The following CCDC73 variants were observed in gnomAD, a reference collection of about 807,000 sequenced individuals.
CCDC73 encodes the protein coiled-coil domain containing 73.
A neutral mutation model predicts 116.5 loss-of-function variants in CCDC73; 95 were observed. The ratio of observed to expected loss-of-function variants is 0.82; its 90% CI spans 0.69 to 0.97. The LOEUF (loss-of-function observed/expected upper bound fraction) is 0.97, where lower values mean the gene tolerates loss of function less well. Ranked by LOEUF, CCDC73 falls within the 50% of genes least tolerant of loss-of-function variation. The pLI, the probability that CCDC73 is intolerant of heterozygous loss-of-function variation, is 0.00. For missense variants in CCDC73, 1,066 were observed against 1,206.8 expected (o/e 0.88, Z 1.73); for synonymous variants, 398 against 401.3 (o/e 0.99, Z 0.10).
In CCDC73 at chr11:32,745,707, C is replaced by A. The variant is rs537159088; in HGVS notation, c.135+14402G>T. 1.7e-4 allele frequency among the ~76,000 whole-genome samples: 25 copies of A among 148,688 alleles called. 1 individual carries two copies. The East Asian group carries it at 3.8e-3, about 23-fold the overall frequency. The stretch of plus-strand genomic sequence containing the variant: ...GTTTGTTTAAAGTCCAGGATTGCAA[C>A]CCCTGGTTTTTGTTTTTTTGTTTGT... On this transcript the variant is annotated intron_variant, in intron 2 of 17. Coordinates refer to ENST00000335185, the MANE Select transcript of CCDC73 (RefSeq NM_001008391.4).
chr11:32,680,362 C>T (rs1856132134), intron 7 of CCDC73: 1 of 152,114 alleles, frequency 6.6e-6, no homozygotes, highest in East Asian at 1.9e-4. Context: ...TTTCTATCTG[C>T]ATGAATCGAC....
intron 1 of CCDC73, 21 bp from the exon 2 acceptor site, chr11:32,760,279 A>G (rs777870688): frequency 7.4e-7 from 1 of 1,356,488 alleles, no homozygotes; most frequent in Non-Finnish European, 9.9e-7. Context: ...AAAAGGTCTT[A>G]ACTGAAAAAA....
At chr11:32,697,381 C>T (rs1259294949) in intron 6 of CCDC73, among the ~76,000 whole-genome samples, 1 of 151,742 alleles carries the variant, frequency 6.6e-6, no homozygotes, top group Non-Finnish European at 1.5e-5. Context: ...TTCAAATATC[C>T]CAATTGTCCT....
rs182521384 is a variant in CCDC73 at position 32,698,271 on chromosome 11, G to A, written c.390+980C>T. Among the ~76,000 whole-genome samples the A allele has an allele frequency of 3.6e-3, 541 of 152,054 alleles. 6 individuals are homozygous for A. The highest frequency in any genetic ancestry group is 0.013 in the African/African-American group (520 of 41,478). On this transcript the variant is annotated intron_variant, in intron 6 of 17. Transcript: ENST00000335185. ...GATCTCCTGACCTCGTGATCCACCCGCCTCGGCCTCCCAAAGTGCTAGGAT... is the reference window on the plus strand; with the variant it reads ...GATCTCCTGACCTCGTGATCCACCCACCTCGGCCTCCCAAAGTGCTAGGAT...
chr11:32,737,737 T>G (rs1241244404), intron 2 of CCDC73, among the ~76,000 whole-genome samples: 2 of 152,154 alleles, frequency 1.3e-5, no homozygotes, highest in South Asian at 2.1e-4. Flanking sequence ...TACAACTAAA[T>G]TATTAGACTA....
intron 2 of CCDC73, among the ~76,000 whole-genome samples, 185 bp from the exon 3 acceptor site, chr11:32,718,332 C>A (rs1849963238): frequency 6.6e-6 from 1 of 152,074 alleles, no homozygotes; most frequent in African/African-American, 2.4e-5. Context: ...CAATCAAGTG[C>A]CCAAAATCTG....
chr11:32,615,979 TTTC>T lies in CCDC73; in HGVS notation c.1333_1335del (p.Glu445del), dbSNP rs771098685. 7.6e-6 allele frequency: 12 copies of T among 1,586,990 alleles called. No homozygotes were observed. The highest frequency in any genetic ancestry group is 5.7e-5 in the South Asian group (5 of 87,158). ...TCCTCTATAAATGAGCCTTCTTTTT[TTTC>T]TTCTTTTTCTCTGTATTCAGTATCT... On this transcript the variant is annotated inframe_deletion, in exon 15 of 18. Coordinates refer to ENST00000335185, the MANE Select transcript of CCDC73 (RefSeq NM_001008391.4).
At chr11:32,730,439 A>G (rs754423190) in intron 2 of CCDC73, among the ~76,000 whole-genome samples, 3 of 152,210 alleles carry the variant, frequency 2.0e-5, no homozygotes, top group Non-Finnish European at 4.4e-5. Flanking sequence ...TGGGAATAGA[A>G]TTCTAGGTTG....
intron 1 of CCDC73, among the ~76,000 whole-genome samples, chr11:32,773,999 A>T (rs1490503111): frequency 1.3e-5 from 2 of 152,278 alleles, no homozygotes; most frequent in Admixed American, 1.3e-4. Context: ...TTTATCTGGC[A>T]GTATGCCTTC....
the CCDC73 span, among the ~76,000 whole-genome samples, chr11:32,810,785 C>A: frequency 6.6e-6 from 1 of 152,134 alleles, no homozygotes; most frequent in African/African-American, 2.4e-5. Flanking sequence ...TACTTCTACA[C>A]AACCCCAATT....
At chr11:32,750,060 C>T (rs1379315938) in intron 2 of CCDC73, among the ~76,000 whole-genome samples, 5 of 151,762 alleles carry the variant, frequency 3.3e-5, no homozygotes, top group Admixed American at 1.3e-4. Context: ...TTAGTAGAGA[C>T]GGGGTTTCAC....
intron 12 of CCDC73, among the ~76,000 whole-genome samples, chr11:32,643,379 T>G (rs1239778318): frequency 2.0e-5 from 3 of 152,122 alleles, no homozygotes; most frequent in African/African-American, 7.2e-5. Flanking sequence ...AGTCATGTGT[T>G]GGTTATAGAC....
intron 1 of CCDC73, among the ~76,000 whole-genome samples, chr11:32,791,250 A>G (rs758788826): frequency 6.6e-6 from 1 of 152,238 alleles, no homozygotes; most frequent in Non-Finnish European, 1.5e-5. Context: ...ATAATTTACA[A>G]TAAAAATTTT....
chr11:32,830,351 T>C, the CCDC73 span, among the ~76,000 whole-genome samples: 2 of 152,198 alleles, frequency 1.3e-5, no homozygotes, highest in Non-Finnish European at 2.9e-5. Context: ...AGGGGCTGCT[T>C]CCTGGGCGCG....
intron 9 of CCDC73, among the ~76,000 whole-genome samples, chr11:32,671,382 C>T (rs1360984956): frequency 1.5e-5 from 2 of 130,664 alleles, no homozygotes; most frequent in East Asian, 4.6e-4. Flanking sequence ...TAAGTTTGGT[C>T]TGTTTAACTT....
chr11:32,665,158 T>C (rs1044579945), intron 9 of CCDC73, among the ~76,000 whole-genome samples: 2 of 152,226 alleles, frequency 1.3e-5, no homozygotes, highest in Admixed American at 1.3e-4. Flanking sequence ...GAGAGTTCTG[T>C]AGATGTCTAT....
intron 2 of CCDC73, among the ~76,000 whole-genome samples, chr11:32,743,414 C>G (rs1850207133): frequency 6.6e-6 from 1 of 152,064 alleles, no homozygotes; most frequent in South Asian, 2.1e-4. Flanking sequence ...CATGGAACAA[C>G]CTGCTCCTGA....
intron 6 of CCDC73, among the ~76,000 whole-genome samples, chr11:32,684,157 C>T (rs1325318535): frequency 6.6e-6 from 1 of 152,146 alleles, no homozygotes; most frequent in Non-Finnish European, 1.5e-5. Flanking sequence ...AAGCAATCCT[C>T]CTGCTACCTC....
At chr11:32,618,379 T>C (rs1048573575) in intron 14 of CCDC73, among the ~76,000 whole-genome samples, 3 of 152,178 alleles carry the variant, frequency 2.0e-5, no homozygotes, top group East Asian at 3.9e-4. Flanking sequence ...ATTTATTTTC[T>C]TTTGGCTATA....
Sources: gnomAD v4.1 joint callset for allele counts (sites outside exome capture counted in the v4.1 genomes callset) on GRCh38, gnomAD v4.1.1 for gene constraint, MANE v1.5 for transcripts, NCBI Gene and HGNC (gene_info 2026-07-23, HGNC 2026-07-21) for gene names.